The following SOX5 variants were observed in gnomAD, a reference collection of about 807,000 sequenced individuals.
SOX5 encodes the protein SRY-box transcription factor 5.
In SOX5, 9 loss-of-function variants were observed where a neutral mutation model predicts 92.0. That is an observed-to-expected ratio of 0.10 (90% CI 0.06 to 0.17). SOX5 has a LOEUF of 0.17. Among genes scored for constraint, SOX5 ranks in the 10% least tolerant of loss-of-function variants. The pLI, the probability that SOX5 is intolerant of heterozygous loss-of-function variation, is 1.00. For missense variants in SOX5, 642 were observed against 944.5 expected, an observed-to-expected ratio of 0.68 and a Z score of 4.20; for synonymous variants, 344 against 336.3, an observed-to-expected ratio of 1.02 and a Z score of -0.25.
intron 2 of SOX5, among the ~76,000 whole-genome samples, chr12:24,356,997 C>A (rs1018428178): frequency 6.6e-6 from 1 of 152,162 alleles, no homozygotes; most frequent in Non-Finnish European, 1.5e-5. Context: ...TCATGACACC[C>A]CAATGTGTAC....
intron 8 of SOX5, among the ~76,000 whole-genome samples, chr12:23,609,714 T>A: frequency 6.6e-6 from 1 of 152,198 alleles, no homozygotes; most frequent in East Asian, 1.9e-4. Context: ...AAAGGAAGTA[T>A]TAATTCACAC....
intron 4 of SOX5, among the ~76,000 whole-genome samples, chr12:24,121,363 G>C (rs1436711615): frequency 1.3e-5 from 2 of 152,064 alleles, no homozygotes; most frequent in Non-Finnish European, 2.9e-5. Context: ...TGTCTGAACA[G>C]AATCTAGTTC....
rs566253086 is a variant in SOX5 at position 24,162,311 on chromosome 12, C to T, written c.-2+51032G>A. Among the ~76,000 whole-genome samples the T allele has an allele frequency of 4.6e-5, 7 of 152,176 alleles. No homozygotes were observed. In the South Asian group the frequency reaches 1.4e-3, roughly 32 times the overall value. On this transcript the variant is annotated intron_variant, in intron 4 of 4. Coordinates refer to the SOX5 transcript ENST00000446891. The stretch of plus-strand genomic sequence containing the variant: ...TTGAGAATGCTTCTGGATTAATAAG[C>T]TAGTGCATATTATTTAAGTACACTT...
At chr12:23,596,505 A>T (rs952511330) in intron 9 of SOX5, among the ~76,000 whole-genome samples, 4 of 152,242 alleles carry the variant, frequency 2.6e-5, no homozygotes, top group African/African-American at 4.8e-5. Flanking sequence ...CAACTCTGAC[A>T]TTAAGAATAG....
intron 9 of SOX5, chr12:23,603,922 T>C (rs1431834938): frequency 6.3e-6 from 1 of 158,104 alleles, no homozygotes; most frequent in African/African-American, 2.4e-5. Flanking sequence ...TAATTCTACT[T>C]GTATTTTAAG....
At chr12:23,697,439 A>G (rs142696759) in intron 6 of SOX5, among the ~76,000 whole-genome samples, 221 of 152,272 alleles carry the variant, frequency 1.5e-3, no homozygotes, top group Middle Eastern at 0.01. Context: ...GTTTCTTTAT[A>G]CTGAAAGTGG....
At chr12:23,833,489 T>C (rs988599030) in intron 3 of SOX5, among the ~76,000 whole-genome samples, 1 of 151,968 alleles carries the variant, frequency 6.6e-6, no homozygotes, top group African/African-American at 2.4e-5. Flanking sequence ...ACTTTACCTA[T>C]AGCAATTGAA....
At chr12:24,030,361 G>A (rs931053209) in intron 4 of SOX5, among the ~76,000 whole-genome samples, 1 of 151,614 alleles carries the variant, frequency 6.6e-6, no homozygotes, top group Non-Finnish European at 1.5e-5. Context: ...TAGACCAATG[G>A]GGCATCATAG....
At chr12:24,404,279 A>G (rs1962428241) in intron 1 of SOX5, among the ~76,000 whole-genome samples, 1 of 152,190 alleles carries the variant, frequency 6.6e-6, no homozygotes. Context: ...TTAGATAGGA[A>G]TATAGGTCAA....
chr12:24,351,264 C>T (rs1408173430), intron 2 of SOX5, among the ~76,000 whole-genome samples: 1 of 152,182 alleles, frequency 6.6e-6, no homozygotes, highest in African/African-American at 2.4e-5. Context: ...GCTCAGCAGT[C>T]ACGATTCTGT....
At chr12:23,853,125 C>CATATAT (rs34095737) in intron 2 of SOX5, among the ~76,000 whole-genome samples, 3 of 146,510 alleles carry the variant, frequency 2.0e-5, no homozygotes, top group Admixed American at 6.9e-5. Flanking sequence ...TATATATATA[C>CATATAT]ATATATATAT....
chr12:23,731,453 T>C (rs1052512661), intron 6 of SOX5, among the ~76,000 whole-genome samples: 2 of 152,206 alleles, frequency 1.3e-5, no homozygotes, highest in Admixed American at 6.6e-5. Context: ...CTGAGTAATA[T>C]ACTGGGGTAT....
At chr12:24,403,673 T>A (rs78003505) in intron 1 of SOX5, among the ~76,000 whole-genome samples, 1 of 152,208 alleles carries the variant, frequency 6.6e-6, no homozygotes, top group Non-Finnish European at 1.5e-5. Context: ...CTTATTTACA[T>A]GGCCAACAGT....
chr12:24,042,448 C>G (rs1436244887), intron 4 of SOX5, among the ~76,000 whole-genome samples: 1 of 152,112 alleles, frequency 6.6e-6, no homozygotes, highest in East Asian at 1.9e-4. Flanking sequence ...GCGTGTTACA[C>G]TAACAACATT....
chr12:24,257,505 G>T (rs974909994), intron 3 of SOX5, among the ~76,000 whole-genome samples: 4 of 151,804 alleles, frequency 2.6e-5, no homozygotes, highest in African/African-American at 9.7e-5. Flanking sequence ...ATCTTGCTCT[G>T]TCGCCCACGC....
At chr12:23,694,504 G>A (rs1407698542) in intron 6 of SOX5, among the ~76,000 whole-genome samples, 1 of 151,794 alleles carries the variant, frequency 6.6e-6, no homozygotes, top group African/African-American at 2.4e-5. Flanking sequence ...CTTTACCTGT[G>A]TCTAATCAGG....
At chr12:23,600,552 T>TATATATATATATATATATATAC (rs745640453) in intron 9 of SOX5, among the ~76,000 whole-genome samples, 21 of 95,254 alleles carry the variant, frequency 2.2e-4, no homozygotes, top group South Asian at 3.6e-4. Context: ...TATATATATA[T>TATATATATATATATATATATAC]ACACATACTT....
intron 4 of SOX5, among the ~76,000 whole-genome samples, chr12:24,189,683 T>C (rs943021858): frequency 2.0e-5 from 3 of 152,210 alleles, no homozygotes; most frequent in African/African-American, 4.8e-5. Context: ...TCGATTCTAG[T>C]TCTTACCCTC....
intron 2 of SOX5, among the ~76,000 whole-genome samples, chr12:24,356,283 G>A (rs1954818435): frequency 6.6e-6 from 1 of 152,222 alleles, no homozygotes; most frequent in South Asian, 2.1e-4. Context: ...TGCAGGGATG[G>A]TAGGTAGGGA....
Sources: gnomAD v4.1 joint callset for allele counts (sites outside exome capture counted in the v4.1 genomes callset) on GRCh38, gnomAD v4.1.1 for gene constraint, MANE v1.5 for transcripts, NCBI Gene and HGNC (gene_info 2026-07-23, HGNC 2026-07-21) for gene names.